The following GPBP1 variants were observed in gnomAD, a reference collection of about 807,000 sequenced individuals.
GPBP1 encodes GC-rich promoter binding protein 1, also known as vasculin.
GPBP1 carries 13 observed loss-of-function variants against 56.5 expected under a neutral mutation model. The ratio of observed to expected loss-of-function variants is 0.23; its 90% confidence interval spans 0.15 to 0.37. The LOEUF (loss-of-function observed/expected upper bound fraction) is 0.37, where lower values mean the gene tolerates loss of function less well. Among genes scored for constraint, GPBP1 ranks in the 10% least tolerant of loss-of-function variants. GPBP1 has a pLI of 1.00. For missense variants in GPBP1, 477 were observed against 572.3 expected (o/e 0.83, Z 1.70); for synonymous variants, 204 against 188.9 (o/e 1.08, Z -0.66).
chr5:57,191,675 C>T (rs763286830), intron 2 of GPBP1, among the ~76,000 whole-genome samples: 5 of 151,966 alleles, frequency 3.3e-5, no homozygotes, highest in African/African-American at 1.2e-4. Flanking sequence ...GATTCTCCTG[C>T]CTCAGCCTCC....
At chr5:57,190,292 G>A (rs533380009) in intron 2 of GPBP1, among the ~76,000 whole-genome samples, 48 of 152,016 alleles carry the variant, frequency 3.2e-4, no homozygotes, top group African/African-American at 1.1e-3. Context: ...TCATTTAGAA[G>A]CTGTTTTATC....
At chr5:57,223,809 T>TA (rs886959644) in intron 3 of GPBP1, among the ~76,000 whole-genome samples, 1 of 149,198 alleles carries the variant, frequency 6.7e-6, no homozygotes, top group Non-Finnish European at 1.5e-5. Flanking sequence ...TTTATAATTT[T>TA]AAAAAATATA....
At chr5:57,187,279 C>T (rs1296812621) in intron 2 of GPBP1, among the ~76,000 whole-genome samples, 1 of 152,056 alleles carries the variant, frequency 6.6e-6, no homozygotes, top group Non-Finnish European at 1.5e-5. Context: ...TGTTAGATAT[C>T]TAATTCATAC....
Position 57,176,030 on chromosome 5 carries a change from C to G in GPBP1, c.-428C>G, listed in dbSNP as rs931190263. On this transcript the variant is annotated 5_prime_UTR_variant, in exon 2 of 12. Transcript: ENST00000506184. ...GTAGTATTGAGATAGCTATGTGTGT[C>G]TCTGTATATGCTGATGTTTAGGAAT... 2.0e-5 allele frequency: 8 copies of G among 398,304 alleles called. No individual in the cohort carries two copies. In the South Asian group the frequency reaches 6.4e-4, roughly 32 times the overall value. 24.7% of individuals were successfully genotyped at this position (398,304 alleles called of 1,614,324 possible).
intron 1 of GPBP1, 139 bp from the exon 2 acceptor site, chr5:57,175,309 T>A (rs1753751276): frequency 2.6e-6 from 1 of 382,476 alleles, no homozygotes; most frequent in East Asian, 3.7e-5. Context: ...CTTGCTTGGG[T>A]AAAGAAGCCC....
At chr5:57,206,938 G>A (rs1293679184) in intron 2 of GPBP1, among the ~76,000 whole-genome samples, 1 of 151,976 alleles carries the variant, frequency 6.6e-6, no homozygotes, top group Non-Finnish European at 1.5e-5. Context: ...CCATCTCTAC[G>A]AAAAATATTT....
intron 3 of GPBP1, among the ~76,000 whole-genome samples, chr5:57,220,927 CAT>C (rs1755933123): frequency 2.0e-5 from 3 of 152,060 alleles, no homozygotes; most frequent in Non-Finnish European, 4.4e-5. Context: ...TGTTTTCTGC[CAT>C]AGACTTTTGT....
At chr5:57,215,232 G>C (rs1366688906) in intron 3 of GPBP1, among the ~76,000 whole-genome samples, 1 of 152,180 alleles carries the variant, frequency 6.6e-6, no homozygotes, top group Non-Finnish European at 1.5e-5. Context: ...CATGAATGTG[G>C]TGATTTAGAA....
rs1420488686 is a variant in GPBP1, at chr5:57,176,259, ACT to A, written c.-196_-195del. On this transcript the variant is annotated 5_prime_UTR_variant, in exon 2 of 12. Transcript: ENST00000506184. ...AAGTATGGGTAGCTGACTTGAAGTA[ACT>A]CTATGTCAAATAGTCGTAGGTTAAG... 3 of 368,158 alleles carry A rather than the reference ACT, an allele frequency of 8.1e-6. No homozygotes were observed. The highest frequency in any genetic ancestry group is 2.1e-5 in the African/African-American group (1 of 48,206). 22.8% of individuals were successfully genotyped at this position (368,158 alleles called of 1,614,324 possible).
intron 2 of GPBP1, among the ~76,000 whole-genome samples, chr5:57,184,456 G>A (rs943143766): frequency 2.0e-5 from 3 of 152,064 alleles, no homozygotes; most frequent in Non-Finnish European, 2.9e-5. Flanking sequence ...GAGCAGGCAT[G>A]TCACATGGCA....
At chr5:57,198,579 G>A (rs922371897) in intron 2 of GPBP1, among the ~76,000 whole-genome samples, 2 of 152,048 alleles carry the variant, frequency 1.3e-5, no homozygotes, top group East Asian at 1.9e-4. Flanking sequence ...TAGGCCGGGC[G>A]CAGTCACACC....
intron 10 of GPBP1, among the ~76,000 whole-genome samples, chr5:57,254,690 C>T (rs1452791214): frequency 7.2e-6 from 1 of 138,952 alleles, no homozygotes; most frequent in Admixed American, 7.4e-5. Context: ...GTGAGACTGT[C>T]TCAAAAAAAA....
At chr5:57,236,483 A>T (rs898185935) in intron 6 of GPBP1, among the ~76,000 whole-genome samples, 48 of 152,308 alleles carry the variant, frequency 3.2e-4, no homozygotes, top group African/African-American at 1.0e-3. Flanking sequence ...ATATATGTAT[A>T]GACTGTTACA....
chr5:57,212,531 G>A (rs1404346587), intron 2 of GPBP1, among the ~76,000 whole-genome samples: 1 of 151,916 alleles, frequency 6.6e-6, no homozygotes, highest in East Asian at 1.9e-4. Context: ...TCCTCTTAAG[G>A]TTTTCAAGTT....
At chr5:57,243,926 C>T (rs751856354) in intron 6 of GPBP1, among the ~76,000 whole-genome samples, 3 of 151,842 alleles carry the variant, frequency 2.0e-5, no homozygotes, top group Admixed American at 6.6e-5. Context: ...TGGACTCAAG[C>T]GGTCCTCCCA....
At chr5:57,204,701 G>T (rs1755157148) in intron 2 of GPBP1, among the ~76,000 whole-genome samples, 1 of 152,154 alleles carries the variant, frequency 6.6e-6, no homozygotes, top group East Asian at 1.9e-4. Context: ...CAGAAGTGGT[G>T]CTTGTTTTGT....
At chr5:57,232,032 T>C (rs748877481) in intron 5 of GPBP1, among the ~76,000 whole-genome samples, 7 of 152,034 alleles carry the variant, frequency 4.6e-5, no homozygotes, top group Non-Finnish European at 1.0e-4. Context: ...TGGGGGGTGG[T>C]GGTGGAATTG....
chr5:57,260,225 T>C, intron 10 of GPBP1, among the ~76,000 whole-genome samples: 1 of 151,940 alleles, frequency 6.6e-6, no homozygotes, highest in East Asian at 1.9e-4. Flanking sequence ...CCTCTTCAGT[T>C]AGGGCACTAA....
At chr5:57,218,253 C>T (rs1755785534) in intron 3 of GPBP1, among the ~76,000 whole-genome samples, 1 of 152,122 alleles carries the variant, frequency 6.6e-6, no homozygotes, top group Non-Finnish European at 1.5e-5. Flanking sequence ...GTTAAATGTT[C>T]AGTCCCACAA....
Sources: allele counts gnomAD v4.1 joint callset (sites outside exome capture counted in the v4.1 genomes callset), GRCh38; gene constraint gnomAD v4.1.1; transcripts MANE v1.5; gene names NCBI Gene and HGNC (gene_info 2026-07-23, HGNC 2026-07-21).